Variants in RHEB observed in about 807,000 individuals in gnomAD.
The protein encoded by RHEB is Ras homolog, mTORC1 binding.
A neutral mutation model predicts 28.8 loss-of-function variants in RHEB; 2 were observed. The observed-to-expected ratio is 0.07, with a 90% CI of 0.03 to 0.22. The LOEUF (loss-of-function observed/expected upper bound fraction) is 0.22, where lower values mean the gene tolerates loss of function less well. Ranked by LOEUF, RHEB falls within the 10% of genes least tolerant of loss-of-function variation. The pLI is 1.00. For synonymous variants in RHEB, 69 were observed against 77.3 expected, an observed-to-expected ratio of 0.89 and a Z score of 0.56; for missense variants, 76 against 219.9, an observed-to-expected ratio of 0.35 and a Z score of 4.14.
At chr7:151,469,115 G>A (rs1001720908) in intron 7 of RHEB, among the ~76,000 whole-genome samples, 3 of 152,116 alleles carry the variant, frequency 2.0e-5, no homozygotes, top group African/African-American at 7.2e-5. Context: ...AGCTGACTTC[G>A]ATAAATCCCT....
At chr7:151,503,263 A>G in intron 1 of RHEB, 1 of 780,916 alleles carries the variant, frequency 1.3e-6, no homozygotes, top group Non-Finnish European at 2.4e-6. Flanking sequence ...GCTTATCGAG[A>G]GCATGCCCCT....
chr7:151,481,186 G>A (rs912942388), intron 3 of RHEB, among the ~76,000 whole-genome samples: 19 of 149,008 alleles, frequency 1.3e-4, no homozygotes, highest in African/African-American at 4.7e-4. Context: ...TAGGGTATAT[G>A]TTCTCACCCT....
chr7:151,519,531 C>T lies in RHEB; in HGVS notation c.-20G>A. ...CGGCATCTTGGCGGCCTCCTCAGCC[C>T]CGGCCCAACCACATCAACCGCGGCG... On this transcript the variant is annotated 5_prime_UTR_variant, in exon 1 of 8. Transcript: ENST00000262187. The T allele has an allele frequency of 6.5e-7, 1 of 1,539,606 alleles. No homozygotes were observed. Among genetic ancestry groups the T allele is most frequent in the Non-Finnish European group, 8.7e-7 (1 of 1,143,376 alleles).
chr7:151,505,376 C>A (rs1322440673), intron 1 of RHEB, among the ~76,000 whole-genome samples: 1 of 152,096 alleles, frequency 6.6e-6, no homozygotes, highest in Non-Finnish European at 1.5e-5. Flanking sequence ...CTTCACAAAC[C>A]AAGATATCCA....
At chr7:151,514,369 A>C (rs1166017050) in intron 1 of RHEB, among the ~76,000 whole-genome samples, 2 of 152,202 alleles carry the variant, frequency 1.3e-5, no homozygotes, top group Non-Finnish European at 2.9e-5. Flanking sequence ...AAAAATAGAT[A>C]TATCGGCCTT....
intron 3 of RHEB, among the ~76,000 whole-genome samples, chr7:151,480,627 C>G (rs957591976): frequency 1.3e-5 from 2 of 151,620 alleles, no homozygotes; most frequent in Non-Finnish European, 2.9e-5. Flanking sequence ...TTCAAAAAAG[C>G]AAATTTGGTT....
chr7:151,490,248 G>A (rs931237345), intron 2 of RHEB, among the ~76,000 whole-genome samples: 2 of 152,006 alleles, frequency 1.3e-5, no homozygotes, highest in Admixed American at 1.3e-4. Context: ...GTCCAGCCTG[G>A]GTAACACTGT....
intron 1 of RHEB, chr7:151,502,750 T>C (rs1298903619): frequency 1.4e-5 from 22 of 1,533,444 alleles, no homozygotes; most frequent in Admixed American, 5.0e-5. Context: ...CGTTTAAAAA[T>C]GGAAAAGCGA....
At chr7:151,498,478 T>C (rs1397413664) in intron 1 of RHEB, among the ~76,000 whole-genome samples, 1 of 151,690 alleles carries the variant, frequency 6.6e-6, no homozygotes, top group Non-Finnish European at 1.5e-5. Context: ...CAAAAAAAAA[T>C]TAGCAGGGTG....
intron 1 of RHEB, 47 bp from the exon 2 acceptor site, chr7:151,491,061 A>C: frequency 7.0e-7 from 1 of 1,418,926 alleles, no homozygotes; most frequent in African/African-American, 1.4e-5. Context: ...TATGAAGGTA[A>C]AAATTTTTAA....
chr7:151,514,593 T>C (rs1210629774), intron 1 of RHEB, among the ~76,000 whole-genome samples: 2 of 152,246 alleles, frequency 1.3e-5, no homozygotes, highest in African/African-American at 2.4e-5. Flanking sequence ...GCAGCTGTTC[T>C]GGAAAAAATC....
intron 1 of RHEB, among the ~76,000 whole-genome samples, chr7:151,505,136 A>T (rs1424697503): frequency 6.6e-6 from 1 of 151,142 alleles, no homozygotes; most frequent in African/African-American, 2.4e-5. Flanking sequence ...CTTCAGGTAG[A>T]CAGATTCCTG....
At chr7:151,495,036 T>C (rs1305776108) in intron 1 of RHEB, among the ~76,000 whole-genome samples, 2 of 152,234 alleles carry the variant, frequency 1.3e-5, no homozygotes, top group Non-Finnish European at 2.9e-5. Context: ...TAGGTTTTTC[T>C]AGTTTGTTTG....
intron 1 of RHEB, among the ~76,000 whole-genome samples, chr7:151,493,323 C>A (rs1194664034): frequency 1.3e-5 from 2 of 152,160 alleles, no homozygotes; most frequent in African/African-American, 2.4e-5. Flanking sequence ...CTGCCCCCAT[C>A]TCTGAATATA....
Position 151,475,859 on chromosome 7 carries a change from A to T in RHEB, c.275+1474T>A, listed in dbSNP as rs540678968. 3.9e-5 allele frequency among the ~76,000 whole-genome samples: 6 copies of T among 152,368 alleles called. No homozygotes were observed. In the East Asian group the frequency reaches 9.6e-4, roughly 24 times the overall value. On this transcript the variant is annotated intron_variant, in intron 4 of 7. Transcript: ENST00000262187. ...GTAAGTAAAAATATAAAAACATGGA[A>T]AATATAAACCATAAAACAGCATTCA...
chr7:151,467,521 C>G (rs1235953244), intron 7 of RHEB, among the ~76,000 whole-genome samples: 1 of 41,068 alleles, frequency 2.4e-5, no homozygotes, highest in African/African-American at 1.1e-4. Flanking sequence ...CCATGACCCC[C>G]ACCCCAGTGT....
intron 1 of RHEB, among the ~76,000 whole-genome samples, chr7:151,505,489 C>G (rs372911654): frequency 6.6e-6 from 1 of 152,098 alleles, no homozygotes; most frequent in East Asian, 1.9e-4. Context: ...TTAGAAAGGC[C>G]GCCAATACCA....
At chr7:151,491,076 G>T in intron 1 of RHEB, 62 bp from the exon 2 acceptor site, 2 of 1,242,498 alleles carry the variant, frequency 1.6e-6, no homozygotes, top group Non-Finnish European at 1.2e-6. Context: ...TTTTAATTTT[G>T]CTGTTTTATT....
chr7:151,486,965 G>A (rs114422003), intron 2 of RHEB, among the ~76,000 whole-genome samples: 169 of 152,314 alleles, frequency 1.1e-3, no homozygotes, highest in African/African-American at 3.8e-3. Context: ...TTGGGTTTTA[G>A]GGATGTTTTG....
Sources: gnomAD v4.1 joint callset for allele counts (sites outside exome capture counted in the v4.1 genomes callset) on GRCh38, gnomAD v4.1.1 for gene constraint, MANE v1.5 for transcripts, NCBI Gene and HGNC (gene_info 2026-07-23, HGNC 2026-07-21) for gene names.